ITPRID1: variants seen among roughly 807,000 people sequenced by gnomAD.
ITPRID1 encodes the protein protein ITPRID1.
Under a neutral mutation model 95.4 loss-of-function variants are expected in ITPRID1, and 96 were observed. The ratio of observed to expected loss-of-function variants is 1.01; its 90% confidence interval spans 0.85 to 1.19. The LOEUF is 1.19. Ranked by LOEUF, ITPRID1 falls within the 50% of genes most tolerant of loss-of-function variation. ITPRID1 has a pLI of 0.00. For synonymous variants in ITPRID1, 510 were observed against 453.6 expected (o/e 1.12, Z -1.58); for missense variants, 1,339 against 1,252.9 (o/e 1.07, Z -1.04).
At chr7:31,631,366 G>A (rs181023440) in intron 10 of ITPRID1, among the ~76,000 whole-genome samples, 1 of 152,260 alleles carries the variant, frequency 6.6e-6, no homozygotes, top group Non-Finnish European at 1.5e-5. Flanking sequence ...TATAAAATGT[G>A]TATTAGGATT....
At chr7:31,567,060 C>T (rs553930349) in intron 5 of ITPRID1, among the ~76,000 whole-genome samples, 98 of 152,044 alleles carry the variant, frequency 6.4e-4, no homozygotes, top group Admixed American at 1.2e-3. Context: ...TTTAAAACTA[C>T]GAAGATAAAG....
At chr7:31,638,678 C>A (rs1256266105) in intron 10 of ITPRID1, among the ~76,000 whole-genome samples, 3 of 152,090 alleles carry the variant, frequency 2.0e-5, no homozygotes, top group Non-Finnish European at 4.4e-5. Context: ...CCATCCTTAT[C>A]TTTGTTAACT....
rs111514975 is a variant in ITPRID1 at position 31,652,656 on chromosome 7, G to A, written c.2962G>A (p.Asp988Asn). Reference protein sequence around the residue: ...GMAPRTVFPPDDGQEAPCSGG... With the variant: ...GMAPRTVFPPNDGQEAPCSGG... ...GGCCCCGAGGACTGTGTTTCCTCCC[G>A]ATGATGGCCAGGAGGCTCCCTGTTC... The change falls in exon 15 of 15, where the codon GAT becomes AAT. Residue 988 changes from aspartate (D) to asparagine (N), a missense_variant. Physicochemically the swap from Asp to Asn is conservative, Grantham distance 23 (BLOSUM62 1). Transcript: ENST00000615280. 20,396 of 1,613,842 alleles carry A rather than the reference G, an allele frequency of 0.013. 131 individuals are homozygous for A. Among genetic ancestry groups the A allele is most frequent in the Middle Eastern group, 0.014 (87 of 6,062 alleles).
In ITPRID1 at chr7:31,642,182, G is replaced by C; in HGVS notation, c.1235G>C (p.Arg412Thr). Residue 412 changes from arginine to threonine, a missense_variant, in exon 11 of 15, where the codon AGG (arginine) becomes ACG (threonine). Arg to Thr is a moderately conservative substitution (Grantham distance 71, BLOSUM62 -1). Transcript: ENST00000615280. ...GACCTCTTTCATTCTGCAGGTGCCA[G>C]GGTGGACAGAGCAAATAGCTGCCAG... ...LDMTSGTVGARVDRANSCQSD... is the reference protein window; with the variant it reads ...LDMTSGTVGATVDRANSCQSD... 6.4e-7 allele frequency: 1 copy of C among 1,559,834 alleles called. No homozygotes were observed. Among genetic ancestry groups the C allele is most frequent in the Non-Finnish European group, 8.7e-7 (1 of 1,152,790 alleles).
rs1486402237 is a variant in ITPRID1 at position 31,549,489 on chromosome 7, C to T, written c.-34C>T. The T allele has an allele frequency of 3.3e-6, 5 of 1,522,848 alleles. No homozygotes were observed. Among genetic ancestry groups the T allele is most frequent in the East Asian group, 4.9e-5 (2 of 40,512 alleles). 94.3% of individuals were successfully genotyped at this position (1,522,848 alleles called of 1,614,324 possible). A position where few individuals can be genotyped will look rare whatever the true frequency, so the allele number is the denominator to read the frequency against. ...AGAAGGAAAAAGAAAGAAAACTGAC[C>T]AATATGAGTGGTGATTGTTTTGGAT... On this transcript the variant is annotated 5_prime_UTR_variant, in exon 2 of 15. Coordinates refer to ENST00000615280, the MANE Select transcript of ITPRID1 (RefSeq NM_001257967.3).
intron 1 of ITPRID1, among the ~76,000 whole-genome samples, chr7:31,534,590 T>A (rs1783701518): frequency 6.6e-6 from 1 of 152,166 alleles, no homozygotes; most frequent in East Asian, 1.9e-4. Context: ...TTCTCATGCT[T>A]GGTGTTTGGA....
chr7:31,635,891 G>A (rs973462336), intron 10 of ITPRID1, among the ~76,000 whole-genome samples: 4 of 152,072 alleles, frequency 2.6e-5, no homozygotes, highest in Non-Finnish European at 5.9e-5. Context: ...GTTTACCTAT[G>A]TAATAAACCT....
chr7:31,636,496 CAT>C lies in ITPRID1; in HGVS notation c.1229-5676_1229-5675del, dbSNP rs1789493749. ...TTGTTGTACAAGTCTTGCATCAAAA[CAT>C]ATAGAAAAAGCAATAGGTTCGAAAG... is the stretch of plus-strand genomic sequence containing the variant. On this transcript the variant is annotated intron_variant, in intron 10 of 14. Transcript: ENST00000615280. Among the ~76,000 whole-genome samples the C allele has an allele frequency of 2.6e-5, 4 of 152,230 alleles. No homozygotes were observed. The South Asian group carries it at 8.3e-4, about 32-fold the overall frequency.
At chr7:31,619,703 T>A (rs1160002506) in intron 10 of ITPRID1, among the ~76,000 whole-genome samples, 1 of 152,080 alleles carries the variant, frequency 6.6e-6, no homozygotes, top group East Asian at 2.0e-4. Flanking sequence ...GATTTCTGCA[T>A]TTCCATCTGA....
chr7:31,625,672 A>C (rs1040208509), intron 10 of ITPRID1, among the ~76,000 whole-genome samples: 2 of 152,182 alleles, frequency 1.3e-5, no homozygotes, highest in African/African-American at 4.8e-5. Context: ...ACCTAATGCT[A>C]GATGACGAGT....
At position 31,595,405 on chromosome 7, in the gene ITPRID1, C is replaced by T. The variant is rs1293555754; in HGVS notation, c.1228+12214C>T. Among the ~76,000 whole-genome samples, 4 of 150,402 alleles carry T rather than the reference C, an allele frequency of 2.7e-5. No homozygotes were observed. The East Asian group carries it at 5.8e-4, about 22-fold the overall frequency. On this transcript the variant is annotated intron_variant, in intron 10 of 14. Coordinates refer to ENST00000615280, the MANE Select transcript of ITPRID1 (RefSeq NM_001257967.3). ...AGCCACATTTTTATAGATATAAATG[C>T]AGTACAGTAACACTTGAATTCAATA...
intron 10 of ITPRID1, among the ~76,000 whole-genome samples, chr7:31,619,842 C>T (rs538309281): frequency 6.6e-6 from 1 of 152,282 alleles, no homozygotes; most frequent in Non-Finnish European, 1.5e-5. Context: ...TCAGGGAGTT[C>T]CCTTTCCTAG....
chr7:31,647,432 T>C (rs1482777163), intron 12 of ITPRID1, among the ~76,000 whole-genome samples: 1 of 150,422 alleles, frequency 6.6e-6, no homozygotes, highest in Non-Finnish European at 1.5e-5. Flanking sequence ...GAGGCCAAGA[T>C]GGGTGGATCA....
In ITPRID1 at chr7:31,569,703, T is replaced by G. The variant is rs17160268; in HGVS notation, c.257-55T>G. On this transcript the variant is annotated intron_variant, in intron 5 of 14. Coordinates refer to ENST00000615280, the MANE Select transcript of ITPRID1 (RefSeq NM_001257967.3). The stretch of plus-strand genomic sequence containing the variant: ...TTGGTTTCATTTGGGGTTGAGAAAA[T>G]CTTCCGCAAGATAAAACGAAATAAA... 2.0e-6 allele frequency: 3 copies of G among 1,494,504 alleles called. No homozygotes were observed. In the African/African-American group the frequency reaches 4.2e-5, roughly 21 times the overall value. The allele number at this position is 1,494,504 out of a possible 1,614,324, so 92.6% of individuals were successfully genotyped here. A position where few individuals can be genotyped will look rare whatever the true frequency, so the allele number is the denominator to read the frequency against.
chr7:31,656,546 C>G, downstream of ITPRID1: 1 of 897,060 alleles, frequency 1.1e-6, no homozygotes. Context: ...TAGCAAAGTA[C>G]TTTATGCACA....
At chr7:31,522,787 G>A (rs561279416) in intron 1 of ITPRID1, among the ~76,000 whole-genome samples, 3 of 152,230 alleles carry the variant, frequency 2.0e-5, no homozygotes, top group South Asian at 4.1e-4. Flanking sequence ...CAAAACTCCC[G>A]TATTCTTTAT....
rs187926925 is a variant in ITPRID1 at position 31,618,881 on chromosome 7, G to A, written c.1229-23295G>A. On this transcript the variant is annotated intron_variant, in intron 10 of 14. Coordinates refer to ENST00000615280, the MANE Select transcript of ITPRID1 (RefSeq NM_001257967.3). ...ACTTTATTATAAAATATGCTTTGTTGTGCACATTGCATGTTATAAGAAGCC... is the reference window on the plus strand; with the variant it reads ...ACTTTATTATAAAATATGCTTTGTTATGCACATTGCATGTTATAAGAAGCC... 1.0e-3 allele frequency among the ~76,000 whole-genome samples: 153 copies of A among 152,244 alleles called. 1 individual carries two copies. Among genetic ancestry groups the A allele is most frequent in the South Asian group, 8.7e-3 (42 of 4,826 alleles).
Position 31,642,225 on chromosome 7 carries a change from C to G in ITPRID1, c.1278C>G (p.Phe426Leu). 6.4e-7 allele frequency: 1 copy of G among 1,558,264 alleles called. No individual in the cohort carries two copies. Among genetic ancestry groups the G allele is most frequent in the Non-Finnish European group, 8.7e-7 (1 of 1,151,534 alleles). Residue 426 changes from phenylalanine (F) to leucine (L), a missense_variant, in exon 11 of 15, where the codon TTC becomes TTG. Physicochemically the swap from Phe to Leu is conservative, Grantham distance 22 (BLOSUM62 0). Transcript: ENST00000615280. ...ANSCQSDSSG[F>L]LEEPLEPLPL... ...GCTGCCAGTCTGACAGCAGCGGGTT[C>G]CTGGAGGAGCCGCTGGAACCGCTGC...
chr7:31,632,372 C>T lies in ITPRID1; in HGVS notation c.1229-9804C>T, dbSNP rs989657827. The stretch of plus-strand genomic sequence containing the variant: ...CTGAAACAGGAGAATCGCTTGAACC[C>T]GGGAGGCAGAGTTGCAATGAGCCGA... On this transcript the variant is annotated intron_variant, in intron 10 of 14. Transcript: ENST00000615280. 5.9e-5 allele frequency among the ~76,000 whole-genome samples: 9 copies of T among 152,132 alleles called. No homozygotes were observed. In the South Asian group the frequency reaches 1.0e-3, roughly 18 times the overall value.
Sources: gnomAD v4.1 joint callset for allele counts (sites outside exome capture counted in the v4.1 genomes callset) on GRCh38, gnomAD v4.1.1 for gene constraint, MANE v1.5 for transcripts, NCBI Gene and HGNC (gene_info 2026-07-23, HGNC 2026-07-21) for gene names.